GRM4: variants seen among roughly 807,000 people sequenced by gnomAD.
GRM4 encodes the protein metabotropic glutamate receptor 4.
In GRM4, 28 loss-of-function variants were observed where a neutral mutation model predicts 81.7. That is an observed-to-expected ratio of 0.34 (90% CI 0.25 to 0.47). The LOEUF is 0.47. Ranked by LOEUF, GRM4 falls within the 20% of genes least tolerant of loss-of-function variation. The pLI is 1.00. For synonymous variants in GRM4, 488 were observed against 528.8 expected, an observed-to-expected ratio of 0.92 and a Z score of 1.06; for missense variants, 948 against 1,290.0, an observed-to-expected ratio of 0.73 and a Z score of 4.06.
intron 2 of GRM4, among the ~76,000 whole-genome samples, chr6:34,124,737 G>T (rs1203494199): frequency 6.6e-6 from 1 of 152,200 alleles, no homozygotes; most frequent in Non-Finnish European, 1.5e-5. Context: ...TGGCCAGTAG[G>T]TTCAGTAAAT....
intron 1 of GRM4, among the ~76,000 whole-genome samples, chr6:34,141,051 T>G (rs1770669641): frequency 6.6e-6 from 1 of 152,232 alleles, no homozygotes; most frequent in Non-Finnish European, 1.5e-5. Context: ...TATTTCTATA[T>G]TTAAACCTAA....
chr6:34,025,114 CT>C (rs1235691999), intron 10 of GRM4, among the ~76,000 whole-genome samples: 1 of 152,192 alleles, frequency 6.6e-6, no homozygotes, highest in Non-Finnish European at 1.5e-5. Context: ...AGCTCTTCCC[CT>C]CCTTTGCTGG....
chr6:34,069,868 G>A lies in GRM4; in HGVS notation c.737-7840C>T, dbSNP rs1766713301. ...CTCTGCCAGGAGCACCCCCACCTCAGCTGCTCAGCCACCCTCTAGCTCCCC... is the reference window on the plus strand; with the variant it reads ...CTCTGCCAGGAGCACCCCCACCTCAACTGCTCAGCCACCCTCTAGCTCCCC... On this transcript the variant is annotated intron_variant, in intron 3 of 10. Transcript: ENST00000538487. This position sits in a 1 kb window ranked among gnomAD's most constrained non-coding sequence, Gnocchi z 6.4. Among the ~76,000 whole-genome samples the A allele has an allele frequency of 6.6e-6, 1 of 152,156 alleles. No individual in the cohort carries two copies. The highest frequency in any genetic ancestry group is 1.5e-5 in the Non-Finnish European group (1 of 68,016).
intron 3 of GRM4, among the ~76,000 whole-genome samples, chr6:34,087,799 T>TACACACACAC (rs71000022): frequency 0.12 from 10,585 of 88,278 alleles, 1,307 homozygotes; most frequent in South Asian, 0.17. Context: ...CATGCACCCC[T>TACACACACAC]ACACACACAC....
Position 34,022,847 on chromosome 6 carries a change from CG to C in GRM4, c.2712del (p.Tyr904Ter). ...EAPALATKQT[Y>X]VTYTNHAI ...TAGATTGCATGGTTGGTGTAAGTGA[CG>C]TAAGTCTGTTTGGTGGCCAGCGCTG... On this transcript the variant is annotated frameshift_variant, in exon 11 of 11. Coordinates refer to ENST00000538487, the MANE Select transcript of GRM4 (RefSeq NM_000841.4). LOFTEE classifies it high-confidence loss of function. The surrounding 1 kb of genome is among the most constrained non-coding windows in gnomAD (Gnocchi z 5.6). 6.2e-7 allele frequency: 1 copy of C among 1,614,050 alleles called. No homozygotes were observed. Among genetic ancestry groups the C allele is most frequent in the Middle Eastern group, 1.6e-4 (1 of 6,062 alleles).
chr6:34,092,409 G>GA lies in GRM4; in HGVS notation c.520-311dup, dbSNP rs1292850118. 6.6e-6 allele frequency among the ~76,000 whole-genome samples: 1 copy of GA among 152,162 alleles called. No homozygotes were observed. Among genetic ancestry groups the GA allele is most frequent in the East Asian group, 1.9e-4 (1 of 5,192 alleles). ...AAGAGCTCAAAGATCCCAGCCCAGG[G>GA]AAAATCCCCACATACGTGAGATGAT... is the stretch of plus-strand genomic sequence containing the variant. On this transcript the variant is annotated intron_variant, in intron 2 of 10. Coordinates refer to ENST00000538487, the MANE Select transcript of GRM4 (RefSeq NM_000841.4). This position sits in a 1 kb window ranked among gnomAD's most constrained non-coding sequence, Gnocchi z 6.8.
Position 34,105,134 on chromosome 6 carries a change from T to C in GRM4, c.520-13035A>G, listed in dbSNP as rs998062091. Among the ~76,000 whole-genome samples, 22 of 152,144 alleles carry C rather than the reference T, an allele frequency of 1.4e-4. 1 individual carries two copies. The highest frequency in any genetic ancestry group is 1.2e-3 in the Admixed American group (18 of 15,284). On this transcript the variant is annotated intron_variant, in intron 2 of 10. Coordinates refer to ENST00000538487, the MANE Select transcript of GRM4 (RefSeq NM_000841.4). The stretch of plus-strand genomic sequence containing the variant: ...ACTATATTAATATAATATGATATAA[T>C]GGGATATATTACCATTATTGAACAC...
In GRM4 at chr6:34,022,722, G is replaced by A. The variant is rs190359317; in HGVS notation, c.*99C>T. On this transcript the variant is annotated 3_prime_UTR_variant, in exon 11 of 11. Transcript: ENST00000538487. This position sits in a 1 kb window ranked among gnomAD's most constrained non-coding sequence, Gnocchi z 5.6. ...CCAAGCCACGTCCGTGGGTGCCCAC[G>A]GGCAGGCAAGACAGCTGGGCCCTTG... The A allele has an allele frequency of 6.3e-5, 69 of 1,087,840 alleles. No individual in the cohort carries two copies. The East Asian group carries it at 1.1e-3, about 18-fold the overall frequency. 67.4% of individuals were successfully genotyped at this position (1,087,840 alleles called of 1,614,324 possible).
At chr6:34,091,687 T>C (rs912329792) in intron 3 of GRM4, 196 bp downstream of exon 3, 1 of 594,062 alleles carries the variant, frequency 1.7e-6, no homozygotes, top group African/African-American at 1.9e-5. Context: ...ACAGTCGCCG[T>C]TGACCGGAGT....
rs113494030 is a variant in GRM4, at chr6:34,116,678, C to T, written c.519+16300G>A. ...CCACTTAATATATATATATGAGAAA[C>T]GAGCGTTTACATCCACTAAAAGACA... On this transcript the variant is annotated intron_variant, in intron 2 of 10. Coordinates refer to ENST00000538487, the MANE Select transcript of GRM4 (RefSeq NM_000841.4). Among the ~76,000 whole-genome samples, 753 of 152,244 alleles carry T rather than the reference C, an allele frequency of 4.9e-3. 5 individuals carry two copies. Among genetic ancestry groups the T allele is most frequent in the African/African-American group, 0.017 (706 of 41,538 alleles).
In GRM4 at chr6:34,070,794, A is replaced by C. The variant is rs1310791111; in HGVS notation, c.737-8766T>G. Among the ~76,000 whole-genome samples the C allele has an allele frequency of 7.8e-5, 2 of 25,576 alleles. No homozygotes were observed. The highest frequency in any genetic ancestry group is 7.8e-4 in the African/African-American group (2 of 2,556). 16.8% of individuals were successfully genotyped at this position (25,576 alleles called of 152,430 possible). The stretch of plus-strand genomic sequence containing the variant: ...CCACACCCCCGCCACACCCCCAGCC[A>C]CACACACACACACACACACACACAC... On this transcript the variant is annotated intron_variant, in intron 3 of 10. Coordinates refer to ENST00000538487, the MANE Select transcript of GRM4 (RefSeq NM_000841.4). The surrounding 1 kb of genome is among the most constrained non-coding windows in gnomAD (Gnocchi z 4.6).
In GRM4 at chr6:34,075,321, T is replaced by C. The variant is rs142827751; in HGVS notation, c.737-13293A>G. On this transcript the variant is annotated intron_variant, in intron 3 of 10. Coordinates refer to ENST00000538487, the MANE Select transcript of GRM4 (RefSeq NM_000841.4). ...CATAAATCGCTTTCCAGTCCTCTCC[T>C]CCGCCTCACTTCACCTCTACCACAG... Among the ~76,000 whole-genome samples the C allele has an allele frequency of 3.1e-4, 47 of 152,302 alleles. 1 individual carries two copies. Among genetic ancestry groups the C allele is most frequent in the African/African-American group, 1.1e-3 (45 of 41,578 alleles).
chr6:34,084,610 G>A (rs1197917786), intron 3 of GRM4, among the ~76,000 whole-genome samples: 1 of 152,138 alleles, frequency 6.6e-6, no homozygotes, highest in Non-Finnish European at 1.5e-5. Flanking sequence ...AAGCCAGCGC[G>A]ACCCCAGCAC....
intron 2 of GRM4, among the ~76,000 whole-genome samples, chr6:34,131,162 A>G (rs1770217823): frequency 6.6e-6 from 1 of 152,214 alleles, no homozygotes; most frequent in African/African-American, 2.4e-5. Context: ...GGACTGAACC[A>G]GGCTACCATT....
At chr6:34,139,608 A>G (rs1444047253) in intron 1 of GRM4, among the ~76,000 whole-genome samples, 1 of 152,176 alleles carries the variant, frequency 6.6e-6, no homozygotes, top group East Asian at 1.9e-4. Context: ...CTGGGAGCAC[A>G]TTAAAGGCCT....
Position 34,080,462 on chromosome 6 carries a change from CAG to C in GRM4, c.736+11419_736+11420del, listed in dbSNP as rs1045195931. Among the ~76,000 whole-genome samples the C allele has an allele frequency of 6.6e-6, 1 of 152,254 alleles. No homozygotes were observed. The highest frequency in any genetic ancestry group is 2.4e-5 in the African/African-American group (1 of 41,468). ...ATCTGCTTAGTCCACGGCCGTACCC[CAG>C]TGTCCTGGTCCAATGCCTGGCACAT... is the stretch of plus-strand genomic sequence containing the variant. On this transcript the variant is annotated intron_variant, in intron 3 of 10. Coordinates refer to ENST00000538487, the MANE Select transcript of GRM4 (RefSeq NM_000841.4). The surrounding 1 kb of genome is among the most constrained non-coding windows in gnomAD (Gnocchi z 5.4).
rs920380805 is a variant in GRM4 at position 34,068,899 on chromosome 6, T to C, written c.737-6871A>G. Among the ~76,000 whole-genome samples the C allele has an allele frequency of 4.6e-5, 7 of 152,162 alleles. No individual in the cohort carries two copies. Among genetic ancestry groups the C allele is most frequent in the African/African-American group, 7.2e-5 (3 of 41,434 alleles). On this transcript the variant is annotated intron_variant, in intron 3 of 10. Transcript: ENST00000538487. The surrounding 1 kb of genome is among the most constrained non-coding windows in gnomAD (Gnocchi z 4.2). The stretch of plus-strand genomic sequence containing the variant: ...GCTGGTCCTGAGGCCAGCAGAGACA[T>C]AGGCACATCCTCGCTTTCTCCCTTC...
Position 34,034,791 on chromosome 6 carries a change from G to A in GRM4, c.2442+877C>T, listed in dbSNP as rs1312360673. 6.6e-6 allele frequency among the ~76,000 whole-genome samples: 1 copy of A among 152,222 alleles called. No homozygotes were observed. The highest frequency in any genetic ancestry group is 2.4e-5 in the African/African-American group (1 of 41,458). On this transcript the variant is annotated intron_variant, in intron 9 of 10. Coordinates refer to ENST00000538487, the MANE Select transcript of GRM4 (RefSeq NM_000841.4). This position sits in a 1 kb window ranked among gnomAD's most constrained non-coding sequence, Gnocchi z 4.0. ...TGCCCAGATCCCACACTTATACATG[G>A]CACTCAGACCAAGACCTGGGTCCTT...
chr6:34,148,047 A>AC (rs1224894102), upstream of GRM4, among the ~76,000 whole-genome samples: 3 of 50,316 alleles, frequency 6.0e-5, no homozygotes, highest in African/African-American at 2.4e-4. Context: ...TAATTATCCC[A>AC]CCCCCCGCCC....
Sources: gnomAD v4.1 joint callset for allele counts (sites outside exome capture counted in the v4.1 genomes callset) on GRCh38, gnomAD v4.1.1 for gene constraint, Gnocchi (gnomAD v3.1) non-coding constraint, MANE v1.5 for transcripts, NCBI Gene and HGNC (gene_info 2026-07-23, HGNC 2026-07-21) for gene names.